The following FBXO31 variants were observed in gnomAD, a reference collection of about 807,000 sequenced individuals.
The protein encoded by FBXO31 is F-box protein 31, also known as F-box only protein 31.
FBXO31 carries 24 observed loss-of-function variants against 54.4 expected under a neutral mutation model. The observed-to-expected ratio is 0.44, with a 90% CI of 0.32 to 0.62. The LOEUF is 0.62. Ranked by LOEUF, FBXO31 falls within the 20% of genes least tolerant of loss-of-function variation. FBXO31 has a pLI of 0.05. For missense variants in FBXO31, 665 were observed against 787.1 expected, an observed-to-expected ratio of 0.84 and a Z score of 1.86; for synonymous variants, 388 against 335.6, an observed-to-expected ratio of 1.16 and a Z score of -1.71.
intron 5 of FBXO31, among the ~76,000 whole-genome samples, chr16:87,342,507 G>A (rs576437285): frequency 6.6e-6 from 1 of 152,286 alleles, no homozygotes; most frequent in African/African-American, 2.4e-5. Context: ...CTCAAGGATG[G>A]GAAACACAGG....
At chr16:87,371,456 C>G (rs189780381) in intron 1 of FBXO31, among the ~76,000 whole-genome samples, 25 of 152,386 alleles carry the variant, frequency 1.6e-4, no homozygotes, top group African/African-American at 5.3e-4. Flanking sequence ...GAGTCTGACT[C>G]TACAATCCTA....
intron 1 of FBXO31, among the ~76,000 whole-genome samples, chr16:87,371,620 A>AG (rs1318479407): frequency 6.6e-6 from 1 of 152,274 alleles, no homozygotes; most frequent in African/African-American, 2.4e-5. Flanking sequence ...GAGAGACAGC[A>AG]GGGACACACT....
rs529852717 is a variant in FBXO31, at chr16:87,335,988, C to A, written c.842+167G>T. On this transcript the variant is annotated intron_variant, in intron 6 of 8. Coordinates refer to ENST00000311635, the MANE Select transcript of FBXO31 (RefSeq NM_024735.5). This position sits in a 1 kb window ranked among gnomAD's most constrained non-coding sequence, Gnocchi z 5.7. ...CAGAAAGAGCGAACTATGCTCCAAGCACCCAGAGAGAGAGGGGCTGTACTC... is the reference window on the plus strand; with the variant it reads ...CAGAAAGAGCGAACTATGCTCCAAGAACCCAGAGAGAGAGGGGCTGTACTC... Among the ~76,000 whole-genome samples the A allele has an allele frequency of 1.3e-5, 2 of 152,088 alleles. No homozygotes were observed. Among genetic ancestry groups the A allele is most frequent in the South Asian group, 4.2e-4 (2 of 4,810 alleles).
In FBXO31 at chr16:87,334,217, C is replaced by T. The variant is rs777809475; in HGVS notation, c.1066G>A (p.Asp356Asn). ...TTGAAGTTGCGCTGGTTCTCGAGGT[C>T]GGGCAGCTGGATCCGATGCCTCAGG... The part of the protein sequence containing the change: ...IDLRHRIQLP[D>N]LENQRNFNEL... The change falls in exon 8 of 9, where the codon GAC becomes AAC. Residue 356 changes from aspartate (D) to asparagine (N), a missense_variant. Physicochemically the swap from Asp to Asn is conservative, Grantham distance 23. Transcript: ENST00000311635. The T allele has an allele frequency of 6.2e-6, 10 of 1,611,868 alleles. No individual in the cohort carries two copies. The East Asian group carries it at 8.9e-5, about 14-fold the overall frequency.
chr16:87,343,062 C>T (rs1020128230), intron 4 of FBXO31, 111 bp from the exon 5 acceptor site: 5 of 865,684 alleles, frequency 5.8e-6, no homozygotes, highest in African/African-American at 5.0e-5. Flanking sequence ...CCCACCAAAC[C>T]CCACTGCAGG....
At position 87,336,597 on chromosome 16, in the gene FBXO31, C is replaced by T. The variant is rs1567613996; in HGVS notation, c.733-333G>A. Among the ~76,000 whole-genome samples the T allele has an allele frequency of 6.6e-6, 1 of 151,530 alleles. No individual in the cohort carries two copies. The highest frequency in any genetic ancestry group is 6.6e-5 in the Admixed American group (1 of 15,230). On this transcript the variant is annotated intron_variant, in intron 5 of 8. Coordinates refer to ENST00000311635, the MANE Select transcript of FBXO31 (RefSeq NM_024735.5). This position sits in a 1 kb window ranked among gnomAD's most constrained non-coding sequence, Gnocchi z 6.5. ...GGGTGGGCCTCCCTTCCATGCCCAC[C>T]GGTGGGGCAGGAACAGCATCTACAC...
At position 87,383,166 on chromosome 16, in the gene FBXO31, C is replaced by T. The variant is rs1907159722; in HGVS notation, c.340+239G>A. On this transcript the variant is annotated intron_variant, in intron 1 of 8. Coordinates refer to ENST00000311635, the MANE Select transcript of FBXO31 (RefSeq NM_024735.5). This position sits in a 1 kb window ranked among gnomAD's most constrained non-coding sequence, Gnocchi z 4.9. The stretch of plus-strand genomic sequence containing the variant: ...TGACGCCCTCAACCCCTCCCTACCC[C>T]GTCTGCCTCTCTTGGACCCCTCGGA... Among the ~76,000 whole-genome samples, 1 of 152,110 alleles carries T rather than the reference C, an allele frequency of 6.6e-6. No homozygotes were observed.
chr16:87,369,087 C>G (rs923919908), intron 1 of FBXO31, among the ~76,000 whole-genome samples: 4 of 152,110 alleles, frequency 2.6e-5, no homozygotes, highest in African/African-American at 9.7e-5. Flanking sequence ...CTGCACCCGG[C>G]CTTTATTTTT....
upstream of FBXO31, among the ~76,000 whole-genome samples, chr16:87,385,178 G>C (rs1907284112): frequency 6.6e-6 from 1 of 152,064 alleles, no homozygotes; most frequent in Admixed American, 6.5e-5. Flanking sequence ...AAAAAATTAG[G>C]CCGGGCGCGG....
intron 1 of FBXO31, among the ~76,000 whole-genome samples, chr16:87,379,241 T>C (rs896684594): frequency 6.6e-6 from 1 of 152,054 alleles, no homozygotes; most frequent in African/African-American, 2.4e-5. Context: ...CAATTCTCTG[T>C]AGGACAGATC....
intron 1 of FBXO31, among the ~76,000 whole-genome samples, chr16:87,366,808 A>C (rs1369707297): frequency 3.3e-5 from 5 of 152,340 alleles, no homozygotes; most frequent in Non-Finnish European, 5.9e-5. Context: ...CTCTTCTGCA[A>C]AGAAAGGGGC....
At chr16:87,350,171 G>A (rs143073284) in intron 2 of FBXO31, among the ~76,000 whole-genome samples, 1 of 152,078 alleles carries the variant, frequency 6.6e-6, no homozygotes, top group Non-Finnish European at 1.5e-5. Flanking sequence ...CACTGGAGTG[G>A]CAAGACCACT....
chr16:87,365,679 A>C (rs1906336182), intron 1 of FBXO31, among the ~76,000 whole-genome samples: 3 of 152,230 alleles, frequency 2.0e-5, no homozygotes, highest in Admixed American at 6.5e-5. Flanking sequence ...TTTCTGGAAA[A>C]GTTCTGAGCA....
At chr16:87,366,777 C>T (rs1446183515) in intron 1 of FBXO31, among the ~76,000 whole-genome samples, 1 of 152,244 alleles carries the variant, frequency 6.6e-6, no homozygotes, top group East Asian at 1.9e-4. Context: ...GACGGGCCGG[C>T]TGCTGGGAGT....
upstream of FBXO31, among the ~76,000 whole-genome samples, chr16:87,391,159 C>T (rs536658729): frequency 1.3e-5 from 2 of 152,124 alleles, no homozygotes; most frequent in African/African-American, 2.4e-5. Context: ...AAGACCAGCC[C>T]GGGCAACACA....
At chr16:87,376,037 CAT>C (rs1321378259) in intron 1 of FBXO31, among the ~76,000 whole-genome samples, 1 of 152,124 alleles carries the variant, frequency 6.6e-6, no homozygotes, top group Non-Finnish European at 1.5e-5. Flanking sequence ...ACTGACCAAA[CAT>C]ATTATAAATA....
intron 1 of FBXO31, among the ~76,000 whole-genome samples, chr16:87,371,013 C>G (rs1906581051): frequency 1.3e-5 from 2 of 152,208 alleles, no homozygotes; most frequent in Admixed American, 1.3e-4. Context: ...CTCCCCAACA[C>G]TCCCAGCTCT....
chr16:87,370,704 C>CCCTGGAGCAGAGTGAAG (rs1017638195), intron 1 of FBXO31, among the ~76,000 whole-genome samples: 3 of 152,160 alleles, frequency 2.0e-5, no homozygotes, highest in African/African-American at 7.2e-5. Context: ...GTCTCAGCCT[C>CCCTGGAGCAGAGTGAAG]CCTGGAGCAG....
chr16:87,351,741 C>T (rs1027648538), intron 2 of FBXO31, among the ~76,000 whole-genome samples: 2 of 152,130 alleles, frequency 1.3e-5, no homozygotes, highest in African/African-American at 4.8e-5. Flanking sequence ...TCGTGGCGTA[C>T]GCCTATAATC....
Sources: gnomAD v4.1 joint callset for allele counts (sites outside exome capture counted in the v4.1 genomes callset) on GRCh38, gnomAD v4.1.1 for gene constraint, Gnocchi (gnomAD v3.1) non-coding constraint, MANE v1.5 for transcripts, NCBI Gene and HGNC (gene_info 2026-07-23, HGNC 2026-07-21) for gene names.